GABRB3: variants seen among roughly 807,000 people sequenced by gnomAD.
The protein encoded by GABRB3 is gamma-aminobutyric acid receptor subunit beta-3.
A neutral mutation model predicts 52.1 loss-of-function variants in GABRB3; 14 were observed. The ratio of observed to expected loss-of-function variants is 0.27; its 90% CI spans 0.18 to 0.42. GABRB3 has a LOEUF of 0.42. Among genes scored for constraint, GABRB3 ranks in the 10% least tolerant of loss-of-function variants. The pLI is 1.00. For synonymous variants in GABRB3, 260 were observed against 232.3 expected, an observed-to-expected ratio of 1.12 and a Z score of -1.08; for missense variants, 307 against 609.1, an observed-to-expected ratio of 0.50 and a Z score of 5.22.
At chr15:26,617,818 C>A (rs1892318800) in intron 4 of GABRB3, among the ~76,000 whole-genome samples, 1 of 152,066 alleles carries the variant, frequency 6.6e-6, no homozygotes, top group Admixed American at 6.5e-5. Context: ...TCAGCAAAGT[C>A]TCAGGATACA....
At chr15:26,657,330 A>T (rs926121981) in intron 3 of GABRB3, 4 of 152,220 alleles carry the variant, frequency 2.6e-5, no homozygotes, top group Admixed American at 6.5e-5. Context: ...CTGGTGATCA[A>T]TGGTTGATAA....
At chr15:26,587,602 G>A (rs952437689) in intron 4 of GABRB3, among the ~76,000 whole-genome samples, 1 of 152,106 alleles carries the variant, frequency 6.6e-6, no homozygotes, top group Non-Finnish European at 1.5e-5. Context: ...TCGAATGTGT[G>A]CTCCACCTCT....
intron 3 of GABRB3, among the ~76,000 whole-genome samples, chr15:26,740,608 C>G (rs932176334): frequency 6.6e-6 from 1 of 152,110 alleles, no homozygotes; most frequent in African/African-American, 2.4e-5. Flanking sequence ...TCCCTCTGTC[C>G]CGTGGGCACC....
In GABRB3 at chr15:26,598,921, A is replaced by G. The variant is rs531735069; in HGVS notation, c.462-15507T>C. On this transcript the variant is annotated intron_variant, in intron 4 of 8. Transcript: ENST00000311550. ...GGTTGCCTTCAGAAACAGAGTGGGA[A>G]GTTTAACCTAGCTCGAGTTTCTAGA... 5.3e-5 allele frequency among the ~76,000 whole-genome samples: 8 copies of G among 152,340 alleles called. No homozygotes were observed. In the East Asian group the frequency reaches 1.4e-3, roughly 26 times the overall value.
chr15:26,633,704 G>A (rs917918801), intron 3 of GABRB3, among the ~76,000 whole-genome samples: 11 of 152,128 alleles, frequency 7.2e-5, no homozygotes, highest in African/African-American at 2.4e-4. Context: ...AAAGCCCCAC[G>A]TCTATCACCT....
intron 3 of GABRB3, among the ~76,000 whole-genome samples, chr15:26,686,278 G>A (rs1888402705): frequency 6.6e-6 from 1 of 152,134 alleles, no homozygotes; most frequent in South Asian, 2.1e-4. Flanking sequence ...AAATATGAAT[G>A]ACTGTTATAA....
intron 3 of GABRB3, among the ~76,000 whole-genome samples, chr15:26,680,418 T>G (rs1195543162): frequency 6.6e-6 from 1 of 152,216 alleles, no homozygotes; most frequent in Non-Finnish European, 1.5e-5. Context: ...ACTGGCCTCC[T>G]AGTCCTACTT....
intron 4 of GABRB3, among the ~76,000 whole-genome samples, chr15:26,599,044 GA>G (rs1338335431): frequency 6.6e-6 from 1 of 152,116 alleles, no homozygotes; most frequent in African/African-American, 2.4e-5. Flanking sequence ...GTGGAAGCTA[GA>G]CCAGCTTGAC....
chr15:26,672,629 C>T (rs1887934353), intron 3 of GABRB3, among the ~76,000 whole-genome samples: 1 of 152,024 alleles, frequency 6.6e-6, no homozygotes, highest in South Asian at 2.1e-4. Context: ...CACCTCCAGC[C>T]CCTGAACCTA....
chr15:26,736,300 C>G (rs1181265759), intron 3 of GABRB3, among the ~76,000 whole-genome samples: 1 of 152,206 alleles, frequency 6.6e-6, no homozygotes, highest in Non-Finnish European at 1.5e-5. Context: ...AAGGCACTAT[C>G]ATTGGCAGAA....
intron 3 of GABRB3, among the ~76,000 whole-genome samples, chr15:26,698,375 G>A (rs1473052782): frequency 6.6e-6 from 1 of 152,106 alleles, no homozygotes; most frequent in Non-Finnish European, 1.5e-5. Context: ...TTTGTGAACT[G>A]GCTATGAATT....
intron 3 of GABRB3, among the ~76,000 whole-genome samples, chr15:26,626,004 T>C (rs1892678155): frequency 6.6e-6 from 1 of 152,182 alleles, no homozygotes; most frequent in Non-Finnish European, 1.5e-5. Context: ...AATTTGAAGG[T>C]TTGTGGCAAC....
At chr15:26,726,802 C>T (rs1284592059) in intron 3 of GABRB3, among the ~76,000 whole-genome samples, 1 of 152,106 alleles carries the variant, frequency 6.6e-6, no homozygotes, top group Non-Finnish European at 1.5e-5. Context: ...TTTGCTTTTC[C>T]TTTCGCAATT....
chr15:26,634,233 A>G (rs140088262), intron 3 of GABRB3, among the ~76,000 whole-genome samples: 1 of 152,062 alleles, frequency 6.6e-6, no homozygotes, highest in East Asian at 1.9e-4. Flanking sequence ...CATTGATCCC[A>G]CTGCCTTCTG....
intron 4 of GABRB3, among the ~76,000 whole-genome samples, chr15:26,593,857 G>A (rs1211747723): frequency 2.0e-5 from 3 of 151,232 alleles, no homozygotes; most frequent in East Asian, 2.0e-4. Flanking sequence ...TTAATTTTAC[G>A]TTTAAATTTT....
chr15:26,742,924 CTTTTTTTTTTT>C (rs779891729), intron 3 of GABRB3, among the ~76,000 whole-genome samples: 2 of 48,832 alleles, frequency 4.1e-5, no homozygotes, highest in Non-Finnish European at 9.1e-5. Flanking sequence ...ATTAGAGATT[CTTTTTTTTTTT>C]TTTTTTTTTT....
In GABRB3 at chr15:26,706,633, C is replaced by T. The variant is rs778808168; in HGVS notation, c.240+65769G>A. 5.9e-4 allele frequency among the ~76,000 whole-genome samples: 90 copies of T among 151,854 alleles called. 1 individual carries two copies. Among genetic ancestry groups the T allele is most frequent in the African/African-American group, 2.0e-3 (81 of 41,400 alleles). On this transcript the variant is annotated intron_variant, in intron 3 of 8. Transcript: ENST00000311550. ...TTTAAAACAACTTAGGTTTAAAAAA[C>T]GAGAAAATAGGGGTAAATGCATGAA...
At chr15:26,747,607 A>G (rs1890382443) in intron 3 of GABRB3, among the ~76,000 whole-genome samples, 1 of 152,170 alleles carries the variant, frequency 6.6e-6, no homozygotes, top group African/African-American at 2.4e-5. Flanking sequence ...TCAGTTCCAG[A>G]AGTTTTTATA....
chr15:26,722,855 A>C (rs913355581), intron 3 of GABRB3, among the ~76,000 whole-genome samples: 51 of 152,242 alleles, frequency 3.3e-4, no homozygotes, highest in African/African-American at 1.2e-3. Flanking sequence ...CTGCTCTCCC[A>C]CTGGGTGCCT....
Sources: gnomAD v4.1 joint callset for allele counts (sites outside exome capture counted in the v4.1 genomes callset) on GRCh38, gnomAD v4.1.1 for gene constraint, MANE v1.5 for transcripts, NCBI Gene and HGNC (gene_info 2026-07-23, HGNC 2026-07-21) for gene names.